AUH: variants seen among roughly 807,000 people sequenced by gnomAD.
The protein encoded by AUH is AU RNA binding methylglutaconyl-CoA hydratase.
In AUH, 29 loss-of-function variants were observed where a neutral mutation model predicts 42.3. The observed-to-expected ratio is 0.69, with a 90% CI of 0.51 to 0.93. The LOEUF is 0.93. Among genes scored for constraint, AUH ranks in the 40% least tolerant of loss-of-function variants. The pLI, the probability that AUH is intolerant of heterozygous loss-of-function variation, is 0.00. For missense variants in AUH, 452 were observed against 438.1 expected (o/e 1.03, Z -0.28); for synonymous variants, 174 against 166.4 (o/e 1.05, Z -0.35).
chr9:91,332,054 AAT>A (rs1830365854), intron 3 of AUH, among the ~76,000 whole-genome samples: 1 of 152,222 alleles, frequency 6.6e-6, no homozygotes, highest in Non-Finnish European at 1.5e-5. Flanking sequence ...TGACATTTGA[AAT>A]TTTTCATCTA....
intron 6 of AUH, among the ~76,000 whole-genome samples, chr9:91,268,871 T>C (rs1415067477): frequency 6.6e-6 from 1 of 152,194 alleles, no homozygotes; most frequent in African/African-American, 2.4e-5. Flanking sequence ...ATATGCATAA[T>C]ACAATATCTA....
At chr9:91,215,878 G>A (rs1276412264) in intron 9 of AUH, among the ~76,000 whole-genome samples, 181 bp downstream of exon 9, 1 of 152,114 alleles carries the variant, frequency 6.6e-6, no homozygotes, top group Non-Finnish European at 1.5e-5. Context: ...GCATTCCTGT[G>A]GAACAGAATC....
intron 6 of AUH, among the ~76,000 whole-genome samples, chr9:91,228,603 A>T: frequency 7.0e-6 from 1 of 143,352 alleles, no homozygotes; most frequent in African/African-American, 2.6e-5. Flanking sequence ...TAGCTTTTGA[A>T]TGTGTTTGCT....
chr9:91,309,524 C>G (rs995487074), intron 4 of AUH, among the ~76,000 whole-genome samples: 2 of 152,096 alleles, frequency 1.3e-5, no homozygotes, highest in African/African-American at 4.8e-5. Context: ...CCCCATGGAG[C>G]TGGAGGTCAT....
chr9:91,222,737 G>T (rs1026873469), intron 6 of AUH, among the ~76,000 whole-genome samples: 1 of 152,134 alleles, frequency 6.6e-6, no homozygotes, highest in African/African-American at 2.4e-5. Flanking sequence ...TTTACTCATG[G>T]AGCTGATGAG....
chr9:91,268,759 C>G (rs1824866538), intron 6 of AUH, among the ~76,000 whole-genome samples: 1 of 151,784 alleles, frequency 6.6e-6, no homozygotes, highest in Non-Finnish European at 1.5e-5. Flanking sequence ...ACCCATAATA[C>G]TTCTAGTTTT....
At chr9:91,280,022 A>C (rs1471895728) in intron 6 of AUH, among the ~76,000 whole-genome samples, 5 of 152,204 alleles carry the variant, frequency 3.3e-5, no homozygotes, top group South Asian at 4.1e-4. Flanking sequence ...ACACTGAAAT[A>C]TCTCTCTGAT....
rs540022521 is a variant in AUH at position 91,361,540 on chromosome 9, G to A, written c.262+88C>T. The stretch of plus-strand genomic sequence containing the variant: ...TGCGCCTGCCTGACCTCGACCCCGC[G>A]TCCTGCCGGCGGACGCTGCACCTTA... On this transcript the variant is annotated intron_variant, in intron 1 of 9. Coordinates refer to ENST00000375731, the MANE Select transcript of AUH (RefSeq NM_001698.3). 35 of 1,511,004 alleles carry A rather than the reference G, an allele frequency of 2.3e-5. No individual in the cohort carries two copies. In the African/African-American group the frequency reaches 3.9e-4, roughly 17 times the overall value. 93.6% of individuals were successfully genotyped at this position (1,511,004 alleles called of 1,614,324 possible). A position where few individuals can be genotyped will look rare whatever the true frequency, so the allele number is the denominator to read the frequency against.
At chr9:91,313,902 C>T (rs896337696) in intron 4 of AUH, among the ~76,000 whole-genome samples, 18 of 149,578 alleles carry the variant, frequency 1.2e-4, no homozygotes, top group Admixed American at 8.7e-4. Flanking sequence ...CGGCTCATTG[C>T]AACCTCCGCC....
At chr9:91,294,446 G>A (rs1587795362) in intron 6 of AUH, among the ~76,000 whole-genome samples, 1 of 152,288 alleles carries the variant, frequency 6.6e-6, no homozygotes, top group East Asian at 1.9e-4. Flanking sequence ...TACTCAGGAG[G>A]CTGAGGCAGG....
chr9:91,223,315 G>A (rs934448517), intron 6 of AUH, among the ~76,000 whole-genome samples: 3 of 151,760 alleles, frequency 2.0e-5, no homozygotes, highest in African/African-American at 7.3e-5. Flanking sequence ...AAATGGAATC[G>A]TTCAGTATTT....
At chr9:91,217,836 C>G (rs1167568175) in intron 7 of AUH, among the ~76,000 whole-genome samples, 1 of 152,172 alleles carries the variant, frequency 6.6e-6, no homozygotes, top group Non-Finnish European at 1.5e-5. Flanking sequence ...ACAGTGTCCT[C>G]TAAGCAGTGC....
intron 4 of AUH, among the ~76,000 whole-genome samples, chr9:91,319,751 G>A (rs549750237): frequency 2.6e-5 from 4 of 152,316 alleles, no homozygotes; most frequent in Admixed American, 1.3e-4. Context: ...AGGCCACTGC[G>A]CATGCAGACA....
chr9:91,347,660 T>A (rs1831628702), intron 3 of AUH, among the ~76,000 whole-genome samples: 1 of 152,190 alleles, frequency 6.6e-6, no homozygotes, highest in African/African-American at 2.4e-5. Flanking sequence ...CAAATATATT[T>A]TTTATTCTCT....
chr9:91,360,511 T>G (rs1295382912), intron 1 of AUH: 9 of 152,244 alleles, frequency 5.9e-5, no homozygotes, highest in African/African-American at 2.2e-4. Context: ...AGTGGCAATT[T>G]ACATTAACAA....
chr9:91,232,828 G>A (rs905313340), intron 6 of AUH, among the ~76,000 whole-genome samples: 24 of 152,366 alleles, frequency 1.6e-4, no homozygotes, highest in African/African-American at 5.3e-4. Flanking sequence ...TTCAGCTGAA[G>A]AGGCAGCAGA....
At chr9:91,295,919 C>G in intron 6 of AUH, 102 bp downstream of exon 6, 1 of 1,335,780 alleles carries the variant, frequency 7.5e-7, no homozygotes, top group South Asian at 1.2e-5. Context: ...GCCATTGTCT[C>G]TTTACGCAAA....
chr9:91,224,038 G>A (rs1224752832), intron 6 of AUH, among the ~76,000 whole-genome samples: 1 of 152,118 alleles, frequency 6.6e-6, no homozygotes, highest in Non-Finnish European at 1.5e-5. Context: ...GTTTTAGTGG[G>A]TTAGGGAGAT....
intron 6 of AUH, among the ~76,000 whole-genome samples, chr9:91,286,706 T>C (rs911243962): frequency 6.8e-6 from 1 of 146,634 alleles, no homozygotes; most frequent in African/African-American, 2.5e-5. Context: ...ACTCAGACAA[T>C]CGCCTGAATT....
Sources: allele counts gnomAD v4.1 joint callset (sites outside exome capture counted in the v4.1 genomes callset), GRCh38; gene constraint gnomAD v4.1.1; transcripts MANE v1.5; gene names NCBI Gene and HGNC (gene_info 2026-07-23, HGNC 2026-07-21).